Variants in TMEM108 observed in about 807,000 individuals in gnomAD.
TMEM108 encodes transmembrane protein 108, also known as cancer/testis antigen 124.
TMEM108 carries 12 observed loss-of-function variants against 35.1 expected under a neutral mutation model. The ratio of observed to expected loss-of-function variants is 0.34; its 90% CI spans 0.22 to 0.55. TMEM108 has a LOEUF of 0.55. Among genes scored for constraint, TMEM108 ranks in the 20% least tolerant of loss-of-function variants. The pLI, the probability that TMEM108 is intolerant of heterozygous loss-of-function variation, is 0.89. For synonymous variants in TMEM108, 287 were observed against 308.6 expected, an observed-to-expected ratio of 0.93 and a Z score of 0.73; for missense variants, 680 against 753.3, an observed-to-expected ratio of 0.90 and a Z score of 1.14.
At chr3:133,090,891 A>G (rs1010020816) in intron 2 of TMEM108, among the ~76,000 whole-genome samples, 8 of 152,190 alleles carry the variant, frequency 5.3e-5, no homozygotes, top group Non-Finnish European at 1.2e-4. Flanking sequence ...GAATTTATTA[A>G]CATACTGCTT....
intron 2 of TMEM108, among the ~76,000 whole-genome samples, chr3:133,128,936 G>A (rs1216601081): frequency 6.6e-6 from 1 of 152,050 alleles, no homozygotes; most frequent in Non-Finnish European, 1.5e-5. Context: ...TGAGGTTGTT[G>A]GCCAAACACC....
Position 133,306,083 on chromosome 3 carries a change from C to T in TMEM108, c.41-73669C>T, listed in dbSNP as rs143122296. Among the ~76,000 whole-genome samples the T allele has an allele frequency of 2.9e-3, 448 of 152,078 alleles. 5 individuals are homozygous for T. Among genetic ancestry groups the T allele is most frequent in the South Asian group, 0.014 (66 of 4,822 alleles). On this transcript the variant is annotated intron_variant, in intron 3 of 5. Transcript: ENST00000321871. ...TCTTTATTTTCTTAATAGTACTTTT[C>T]GAAGCACAAAACTTTTTAATTTTTA...
At chr3:133,262,732 C>T (rs1422789848) in intron 3 of TMEM108, among the ~76,000 whole-genome samples, 2 of 152,250 alleles carry the variant, frequency 1.3e-5, no homozygotes, top group Non-Finnish European at 2.9e-5. Context: ...CCAAGCCCCA[C>T]TAGGCGGGGG....
chr3:133,239,354 A>G (rs1188161628), intron 3 of TMEM108, among the ~76,000 whole-genome samples: 1 of 152,166 alleles, frequency 6.6e-6, no homozygotes, highest in Non-Finnish European at 1.5e-5. Context: ...AAAATTCAGT[A>G]TTTTAGACTA....
At chr3:133,360,425 A>G (rs2107791888) in intron 3 of TMEM108, among the ~76,000 whole-genome samples, 1 of 152,338 alleles carries the variant, frequency 6.6e-6, no homozygotes, top group African/African-American at 2.4e-5. Flanking sequence ...AGGGATATTC[A>G]ATAATTTTAA....
intron 3 of TMEM108, among the ~76,000 whole-genome samples, chr3:133,323,570 C>A (rs1576455760): frequency 1.3e-5 from 2 of 152,030 alleles, no homozygotes; most frequent in African/African-American, 4.8e-5. Flanking sequence ...TGGATGGGTA[C>A]AATCAATATT....
intron 3 of TMEM108, among the ~76,000 whole-genome samples, chr3:133,274,475 T>C (rs893314842): frequency 1.3e-4 from 20 of 152,222 alleles, no homozygotes; most frequent in Non-Finnish European, 2.9e-4. Context: ...AAAAGGAATC[T>C]GTACCTAACT....
intron 3 of TMEM108, among the ~76,000 whole-genome samples, chr3:133,306,957 A>G (rs2071051588): frequency 6.6e-6 from 1 of 152,176 alleles, no homozygotes; most frequent in Non-Finnish European, 1.5e-5. Flanking sequence ...ATTGTCTTCC[A>G]TAATAGTTTA....
At chr3:133,383,276 C>G (rs1050785748) in intron 4 of TMEM108, among the ~76,000 whole-genome samples, 2 of 152,186 alleles carry the variant, frequency 1.3e-5, no homozygotes, top group African/African-American at 4.8e-5. Context: ...CAAGCAAACA[C>G]ACTGCTAAAC....
chr3:133,321,688 T>C (rs1233967767), intron 3 of TMEM108, among the ~76,000 whole-genome samples: 1 of 152,124 alleles, frequency 6.6e-6, no homozygotes, highest in Non-Finnish European at 1.5e-5. Flanking sequence ...ACTTAACAGA[T>C]ATTTACAGAA....
chr3:133,098,069 CAGCTTGTATT>C (rs1944039597), intron 2 of TMEM108, among the ~76,000 whole-genome samples: 1 of 152,178 alleles, frequency 6.6e-6, no homozygotes, highest in African/African-American at 2.4e-5. Context: ...ACAGGTGTAG[CAGCTTGTATT>C]AGTTCTTTTT....
intron 2 of TMEM108, among the ~76,000 whole-genome samples, chr3:133,072,651 T>G (rs2107690493): frequency 6.6e-6 from 1 of 152,238 alleles, no homozygotes; most frequent in Non-Finnish European, 1.5e-5. Context: ...AAATAACAGC[T>G]TTATTGAGTT....
At chr3:133,200,888 A>G (rs1405156589) in intron 2 of TMEM108, among the ~76,000 whole-genome samples, 1 of 152,220 alleles carries the variant, frequency 6.6e-6, no homozygotes, top group Non-Finnish European at 1.5e-5. Context: ...TTTGTTTTAA[A>G]TGCTTAGTAA....
chr3:133,147,842 G>A (rs886670653), intron 2 of TMEM108, among the ~76,000 whole-genome samples: 5 of 152,092 alleles, frequency 3.3e-5, no homozygotes, highest in Non-Finnish European at 7.3e-5. Context: ...AAATCCTATG[G>A]TGCTGGATTA....
At chr3:133,358,350 T>C (rs1212201653) in intron 3 of TMEM108, among the ~76,000 whole-genome samples, 1 of 152,074 alleles carries the variant, frequency 6.6e-6, no homozygotes, top group African/African-American at 2.4e-5. Flanking sequence ...TTTCGTATTT[T>C]TAGTAGAGAC....
intron 3 of TMEM108, among the ~76,000 whole-genome samples, chr3:133,363,895 T>A (rs1372322311): frequency 2.0e-5 from 3 of 152,250 alleles, no homozygotes; most frequent in African/African-American, 7.2e-5. Flanking sequence ...CCTTGTTTCA[T>A]ACTAAGTCTT....
intron 2 of TMEM108, among the ~76,000 whole-genome samples, chr3:133,094,489 T>A (rs1943988492): frequency 6.6e-6 from 1 of 152,142 alleles, no homozygotes; most frequent in South Asian, 2.1e-4. Flanking sequence ...AATAAATACA[T>A]GCCTGGCCCC....
chr3:133,217,369 C>T (rs1194241350), intron 2 of TMEM108, among the ~76,000 whole-genome samples: 3 of 151,908 alleles, frequency 2.0e-5, no homozygotes, highest in African/African-American at 4.8e-5. Flanking sequence ...TTTCCCATTC[C>T]ATAGATTGTC....
Position 133,233,576 on chromosome 3 carries a change from C to A in TMEM108, c.40+4225C>A, listed in dbSNP as rs1394975750. Among the ~76,000 whole-genome samples the A allele has an allele frequency of 1.7e-3, 257 of 151,994 alleles. 2 individuals carry two copies. Among genetic ancestry groups the A allele is most frequent in the African/African-American group, 6.0e-3 (249 of 41,426 alleles). ...ACCCAGTAATGGGATGGCTGGGTCA[C>A]ATGGTATTTCTAGTTCTAGATCCCT... is the stretch of plus-strand genomic sequence containing the variant. On this transcript the variant is annotated intron_variant, in intron 3 of 5. Transcript: ENST00000321871.
Sources: allele counts gnomAD v4.1 joint callset (sites outside exome capture counted in the v4.1 genomes callset), GRCh38; gene constraint gnomAD v4.1.1; transcripts MANE v1.5; gene names NCBI Gene and HGNC (gene_info 2026-07-23, HGNC 2026-07-21).